TRAPPC8: variants seen among roughly 807,000 people sequenced by gnomAD.
TRAPPC8 encodes general sporulation gene 1 homolog.
A neutral mutation model predicts 174.3 loss-of-function variants in TRAPPC8; 54 were observed. The ratio of observed to expected loss-of-function variants is 0.31; its 90% CI spans 0.25 to 0.39. The LOEUF (loss-of-function observed/expected upper bound fraction) is 0.39. Among genes scored for constraint, TRAPPC8 ranks in the 10% least tolerant of loss-of-function variants. TRAPPC8 has a pLI of 1.00. For synonymous variants in TRAPPC8, 630 were observed against 579.9 expected (o/e 1.09, Z -1.24); for missense variants, 1,531 against 1,699.1 (o/e 0.90, Z 1.74).
At chr18:31,835,538 A>G (rs16962506) in intron 27 of TRAPPC8, among the ~76,000 whole-genome samples, 4,415 of 152,252 alleles carry the variant, frequency 0.029, 229 homozygotes, top group African/African-American at 0.099. Flanking sequence ...TTCCCATCAC[A>G]TTAGACAACT....
chr18:31,876,261 C>A (rs1019734670), intron 12 of TRAPPC8, among the ~76,000 whole-genome samples: 1 of 151,812 alleles, frequency 6.6e-6, no homozygotes, highest in Non-Finnish European at 1.5e-5. Flanking sequence ...AAGGCTGAGG[C>A]GGGCAGATCA....
intron 28 of TRAPPC8, 108 bp downstream of exon 28, chr18:31,831,976 A>C: frequency 1.4e-6 from 1 of 694,452 alleles, no homozygotes; most frequent in Non-Finnish European, 2.2e-6. Flanking sequence ...ACAAAAAACC[A>C]GGACAAGCTT....
At chr18:31,849,249 G>A (rs1345275365) in intron 25 of TRAPPC8, among the ~76,000 whole-genome samples, 3 of 152,076 alleles carry the variant, frequency 2.0e-5, no homozygotes, top group African/African-American at 4.8e-5. Flanking sequence ...TGGATTTCCA[G>A]AGGTTCATGG....
At chr18:31,836,518 A>C (rs889782266) in intron 27 of TRAPPC8, among the ~76,000 whole-genome samples, 1 of 152,258 alleles carries the variant, frequency 6.6e-6, no homozygotes, top group African/African-American at 2.4e-5. Context: ...TACATGAAGC[A>C]GGACGGGTTT....
At position 31,935,548 on chromosome 18, in the gene TRAPPC8, T is replaced by TGAAAAAA. The variant is rs745488703; in HGVS notation, c.158-4026_158-4025insTTTTTTC. ...GGGCAACAAGAGCGAAACTCCATCT[T>TGAAAAAA]AAAAAAAAAAAAAAAAAAAAGCAGG... On this transcript the variant is annotated intron_variant, in intron 1 of 28. Transcript: ENST00000283351. Among the ~76,000 whole-genome samples the TGAAAAAA allele has an allele frequency of 4.9e-3, 226 of 46,244 alleles. 40 individuals carry two copies. The highest frequency in any genetic ancestry group is 0.013 in the Middle Eastern group (1 of 78). The allele number at this position is 46,244 out of a possible 152,430, so 30.3% of individuals were successfully genotyped here.
chr18:31,938,236 T>C (rs1276338373), intron 1 of TRAPPC8, among the ~76,000 whole-genome samples: 1 of 152,074 alleles, frequency 6.6e-6, no homozygotes, highest in Non-Finnish European at 1.5e-5. Flanking sequence ...CTTTGAAACA[T>C]GGCCAGTGGA....
chr18:31,872,182 T>G (rs1193385922), intron 14 of TRAPPC8, among the ~76,000 whole-genome samples: 2 of 152,190 alleles, frequency 1.3e-5, no homozygotes, highest in African/African-American at 4.8e-5. Flanking sequence ...ACCCCAGTTA[T>G]CGATGGGAGC....
intron 2 of TRAPPC8, among the ~76,000 whole-genome samples, chr18:31,924,738 C>CAAAAAAA (rs398032376): frequency 1.1e-5 from 1 of 91,888 alleles, no homozygotes; most frequent in Non-Finnish European, 2.1e-5. Context: ...AACTCCGTCT[C>CAAAAAAA]AAAAAAAAAA....
At chr18:31,831,056 T>A in intron 28 of TRAPPC8, 67 bp from the exon 29 acceptor site, 3 of 1,387,534 alleles carry the variant, frequency 2.2e-6, no homozygotes, top group Non-Finnish European at 3.0e-6. Flanking sequence ...AAAGTCACAT[T>A]AACATATCCC....
chr18:31,851,624 T>A (rs2033707644), intron 24 of TRAPPC8, among the ~76,000 whole-genome samples: 1 of 152,036 alleles, frequency 6.6e-6, no homozygotes, highest in East Asian at 1.9e-4. Context: ...CCCAAAGTGC[T>A]GAAATTACAG....
chr18:31,877,500 T>C (rs113196477), intron 12 of TRAPPC8, among the ~76,000 whole-genome samples: 2 of 150,420 alleles, frequency 1.3e-5, no homozygotes, highest in South Asian at 2.1e-4. Context: ...TAGTCCCACC[T>C]ACTCGGGAGG....
At chr18:31,851,673 T>TACATAATTAGGATGGAATATCACTGCCC (rs1568043946) in intron 24 of TRAPPC8, among the ~76,000 whole-genome samples, 1 of 152,036 alleles carries the variant, frequency 6.6e-6, no homozygotes, top group East Asian at 1.9e-4. Flanking sequence ...GTAACTCTTA[T>TACATAATTAGGATGGAATATCACTGCCC]ACATAATTAG....
intron 9 of TRAPPC8, among the ~76,000 whole-genome samples, chr18:31,904,711 T>A (rs546400565): frequency 6.6e-6 from 1 of 152,296 alleles, no homozygotes; most frequent in African/African-American, 2.4e-5. Flanking sequence ...AATATCCATG[T>A]GACAAAATAT....
Position 31,839,599 on chromosome 18 carries a change from T to C in TRAPPC8, c.3838-142A>G, listed in dbSNP as rs1376288949. 2.9e-5 allele frequency: 19 copies of C among 658,566 alleles called. No individual in the cohort carries two copies. The East Asian group carries it at 5.2e-4, about 18-fold the overall frequency. 40.8% of individuals were successfully genotyped at this position (658,566 alleles called of 1,614,324 possible). A position where few individuals can be genotyped will look rare whatever the true frequency, so the allele number is the denominator to read the frequency against. Reference sequence around the variant, plus strand: ...CAGTACTTTTCTGCTGTTAAGCTAATAGCTGCTATCATTTGCAGTGTAATC... The same window carrying C: ...CAGTACTTTTCTGCTGTTAAGCTAACAGCTGCTATCATTTGCAGTGTAATC... On this transcript the variant is annotated intron_variant, in intron 26 of 28. Coordinates refer to ENST00000283351, the MANE Select transcript of TRAPPC8 (RefSeq NM_014939.5).
intron 21 of TRAPPC8, 101 bp downstream of exon 21, chr18:31,855,559 A>G (rs979950445): frequency 3.1e-6 from 3 of 968,810 alleles, no homozygotes; most frequent in Middle Eastern, 4.7e-4. Context: ...TAAAATCCCT[A>G]GCTTATGCTG....
At chr18:31,897,967 G>T (rs747983948) in intron 10 of TRAPPC8, 76 bp from the exon 11 acceptor site, 68 of 1,281,598 alleles carry the variant, frequency 5.3e-5, no homozygotes, top group Admixed American at 8.2e-5. Flanking sequence ...TTCAGCAAAA[G>T]ATTCCAATTA....
At chr18:31,896,626 G>T (rs1598696291) in intron 11 of TRAPPC8, among the ~76,000 whole-genome samples, 1 of 152,000 alleles carries the variant, frequency 6.6e-6, no homozygotes, top group African/African-American at 2.4e-5. Flanking sequence ...ATAAATCTTT[G>T]TTGTTGTTGT....
At chr18:31,838,642 C>A (rs1412363678) in intron 27 of TRAPPC8, among the ~76,000 whole-genome samples, 1 of 152,174 alleles carries the variant, frequency 6.6e-6, no homozygotes, top group Non-Finnish European at 1.5e-5. Flanking sequence ...GCATTCTTCT[C>A]AAAAATCATG....
intron 26 of TRAPPC8, chr18:31,845,250 T>C (rs917942267): frequency 4.0e-5 from 6 of 151,612 alleles, no homozygotes; most frequent in African/African-American, 1.5e-4. Context: ...GTCAATGTCA[T>C]GATCAACAAA....
Sources: allele counts gnomAD v4.1 joint callset (sites outside exome capture counted in the v4.1 genomes callset), GRCh38; gene constraint gnomAD v4.1.1; transcripts MANE v1.5; gene names NCBI Gene and HGNC (gene_info 2026-07-23, HGNC 2026-07-21).